NIPSNAP1: variants seen among roughly 807,000 people sequenced by gnomAD.
NIPSNAP1 encodes protein NipSnap homolog 1.
Under a neutral mutation model 49.2 loss-of-function variants are expected in NIPSNAP1, and 25 were observed. The observed-to-expected ratio is 0.51, with a 90% CI of 0.37 to 0.71. The LOEUF (loss-of-function observed/expected upper bound fraction) is 0.71. Among genes scored for constraint, NIPSNAP1 ranks in the 30% least tolerant of loss-of-function variants. The pLI is 0.00. For synonymous variants in NIPSNAP1, 143 were observed against 140.7 expected (o/e 1.02, Z -0.12); for missense variants, 294 against 361.0 (o/e 0.81, Z 1.50).
intron 4 of NIPSNAP1, among the ~76,000 whole-genome samples, chr22:29,562,816 T>G (rs1601489359): frequency 6.6e-6 from 1 of 152,186 alleles, no homozygotes; most frequent in South Asian, 2.1e-4. Flanking sequence ...ATAAAAATCC[T>G]GGGCCGGGCA....
At chr22:29,561,955 C>G (rs468986) in intron 4 of NIPSNAP1, 93 bp from the exon 5 acceptor site, 4 of 1,133,658 alleles carry the variant, frequency 3.5e-6, no homozygotes, top group South Asian at 1.3e-5. Context: ...ACGGGGGAGG[C>G]GGGGTGGCCT....
intron 9 of NIPSNAP1, 36 bp downstream of exon 9, chr22:29,558,834 G>T (rs755025283): frequency 3.4e-6 from 5 of 1,456,700 alleles, no homozygotes; most frequent in Non-Finnish European, 4.8e-6. Flanking sequence ...CCTCAGACAG[G>T]GTTCTCAGCA....
chr22:29,572,116 A>G (rs2064412546), intron 1 of NIPSNAP1, among the ~76,000 whole-genome samples: 1 of 151,838 alleles, frequency 6.6e-6, no homozygotes. Flanking sequence ...CAGCCTGCCC[A>G]GCATGGCGAA....
chr22:29,574,614 A>G (rs1346562595), intron 1 of NIPSNAP1, among the ~76,000 whole-genome samples: 1 of 151,996 alleles, frequency 6.6e-6, no homozygotes, highest in Non-Finnish European at 1.5e-5. Context: ...CTCAGTCTCT[A>G]CTAAAAATAC....
intron 1 of NIPSNAP1, among the ~76,000 whole-genome samples, chr22:29,574,914 T>C (rs989351257): frequency 8.5e-5 from 13 of 152,168 alleles, no homozygotes; most frequent in Admixed American, 2.6e-4. Context: ...ACTGATTCTA[T>C]GCAATGATCT....
chr22:29,576,567 G>C (rs1190620342), intron 1 of NIPSNAP1, among the ~76,000 whole-genome samples: 1 of 151,314 alleles, frequency 6.6e-6, no homozygotes, highest in African/African-American at 2.5e-5. Flanking sequence ...AGAAATGAAT[G>C]AAAGAGGAGC....
chr22:29,576,290 G>T (rs931843191), intron 1 of NIPSNAP1, among the ~76,000 whole-genome samples: 9 of 151,016 alleles, frequency 6.0e-5, no homozygotes, highest in Non-Finnish European at 1.0e-4. Flanking sequence ...AAAGTGATGG[G>T]ATTACAGGCA....
chr22:29,575,354 C>A (rs2064443628), intron 1 of NIPSNAP1, among the ~76,000 whole-genome samples: 1 of 152,114 alleles, frequency 6.6e-6, no homozygotes, highest in South Asian at 2.1e-4. Flanking sequence ...ATCCTTCCTG[C>A]CTGTGGGCCT....
intron 4 of NIPSNAP1, among the ~76,000 whole-genome samples, chr22:29,568,381 G>A (rs1227456612): frequency 1.3e-5 from 2 of 151,534 alleles, no homozygotes; most frequent in Non-Finnish European, 2.9e-5. Flanking sequence ...TACTCGGGAA[G>A]CTGAGGCAGG....
At chr22:29,580,378 A>G in intron 1 of NIPSNAP1, 1 of 606,710 alleles carries the variant, frequency 1.6e-6, no homozygotes, top group Non-Finnish European at 2.1e-6. Flanking sequence ...GCCCAGCCAG[A>G]CTCCCACTCC....
At position 29,555,195 on chromosome 22, in the gene NIPSNAP1, G is replaced by C. The variant is rs1048816431; in HGVS notation, c.*740C>G. On this transcript the variant is annotated 3_prime_UTR_variant, in exon 10 of 10. Coordinates refer to ENST00000216121, the MANE Select transcript of NIPSNAP1 (RefSeq NM_003634.4). ...TCTAGTATTAGGAACCTCTCTTCAAGTGGTCTTTTGTCATCTCTGTTCTTC... is the reference window on the plus strand; with the variant it reads ...TCTAGTATTAGGAACCTCTCTTCAACTGGTCTTTTGTCATCTCTGTTCTTC... 6.6e-6 allele frequency: 1 copy of C among 152,534 alleles called. No individual in the cohort carries two copies. Among genetic ancestry groups the C allele is most frequent in the Admixed American group, 6.5e-5 (1 of 15,312 alleles). 9.4% of individuals were successfully genotyped at this position (152,534 alleles called of 1,614,324 possible). A position where few individuals can be genotyped will look rare whatever the true frequency, so the allele number is the denominator to read the frequency against.
At chr22:29,576,353 T>C (rs755094367) in intron 1 of NIPSNAP1, among the ~76,000 whole-genome samples, 3 of 150,416 alleles carry the variant, frequency 2.0e-5, no homozygotes, top group African/African-American at 7.5e-5. Flanking sequence ...CTGGGAAACA[T>C]AGCAAGACCT....
rs766297619 is a variant in NIPSNAP1 at position 29,569,154 on chromosome 22, T to A, written c.367+39A>T. The A allele has an allele frequency of 3.9e-6, 6 of 1,552,352 alleles. No individual in the cohort carries two copies. The East Asian group carries it at 1.4e-4, about 35-fold the overall frequency. The stretch of plus-strand genomic sequence containing the variant: ...TGTGAAAGGTGCTGGAGGCCAGGGC[T>A]GGGCAGTGGCAATGGCACTAGGGAG... On this transcript the variant is annotated intron_variant, in intron 4 of 9. Transcript: ENST00000216121.
chr22:29,577,665 C>T (rs571566087), intron 1 of NIPSNAP1, among the ~76,000 whole-genome samples: 1 of 151,234 alleles, frequency 6.6e-6, no homozygotes, highest in African/African-American at 2.5e-5. Context: ...CTGCCCGCCT[C>T]GGCCTCCCAA....
At position 29,560,747 on chromosome 22, in the gene NIPSNAP1, C is replaced by T. The variant is rs2064329423; in HGVS notation, c.693G>A (p.Val231=). The T allele has an allele frequency of 6.2e-7, 1 of 1,614,084 alleles. No homozygotes were observed. The highest frequency in any genetic ancestry group is 8.5e-7 in the Non-Finnish European group (1 of 1,179,978). The change falls in exon 8 of 10, where the codon GTG becomes GTA. Residue 231 remains valine, a synonymous_variant. Coordinates refer to ENST00000216121, the MANE Select transcript of NIPSNAP1 (RefSeq NM_003634.4). ...TCCTCAACCTACCCCAGAGATGGTGCACCACGTAGAGCTCTCCTATCTGTG... is the reference window on the plus strand; with the variant it reads ...TCCTCAACCTACCCCAGAGATGGTGTACCACGTAGAGCTCTCCTATCTGTG... The part of the protein sequence containing the change: ...FFSQIGELYV[V]HHLWAYKDLQ...
At chr22:29,573,767 T>C (rs76435509) in intron 1 of NIPSNAP1, among the ~76,000 whole-genome samples, 1 of 72,546 alleles carries the variant, frequency 1.4e-5, no homozygotes, top group South Asian at 4.2e-4. Context: ...AAACTCTGTC[T>C]CAAAAAAAAA....
In NIPSNAP1 at chr22:29,569,288, C is replaced by T; in HGVS notation, c.273-1G>A. ...GTGAAGCTTGGGCAGCACAGCCTCC[C>T]TGTGGGGGAGGTGCAGAGAGGGGCA... On this transcript the variant is annotated splice_acceptor_variant, in intron 3 of 9. Coordinates refer to ENST00000216121, the MANE Select transcript of NIPSNAP1 (RefSeq NM_003634.4). LOFTEE classifies it high-confidence loss of function. The T allele has an allele frequency of 6.2e-7, 1 of 1,613,278 alleles. No individual in the cohort carries two copies. The highest frequency in any genetic ancestry group is 2.2e-5 in the East Asian group (1 of 44,846).
intron 9 of NIPSNAP1, 54 bp downstream of exon 9, chr22:29,558,816 G>T: frequency 3.9e-6 from 5 of 1,295,084 alleles, no homozygotes; most frequent in Non-Finnish European, 5.6e-6. Context: ...TTGCAGAGAG[G>T]ATTCCATCCT....
chr22:29,570,529 G>T lies in NIPSNAP1; in HGVS notation c.102C>A (p.Phe34Leu), dbSNP rs375062530. Residue 34 changes from phenylalanine (F) to leucine (L), a missense_variant, in exon 2 of 10, where the codon TTC becomes TTA. Coordinates refer to ENST00000216121, the MANE Select transcript of NIPSNAP1 (RefSeq NM_003634.4). The part of the protein sequence containing the change: ...GDVASAAAAR[F>L]YSKDNEGSWF... ...AGCTGCCTTCATTGTCCTTGGAATA[G>T]AAACTGCAGGACAGAGGAGTTGAGG... The T allele has an allele frequency of 2.2e-5, 36 of 1,613,350 alleles. No homozygotes were observed. The African/African-American group carries it at 4.4e-4, about 20-fold the overall frequency.
Sources: gnomAD v4.1 joint callset for allele counts (sites outside exome capture counted in the v4.1 genomes callset) on GRCh38, gnomAD v4.1.1 for gene constraint, MANE v1.5 for transcripts, NCBI Gene and HGNC (gene_info 2026-07-23, HGNC 2026-07-21) for gene names.